Variants in MAN1C1 observed in about 807,000 individuals in gnomAD.
The protein encoded by MAN1C1 is mannosyl-oligosaccharide 1,2-alpha-mannosidase IC.
In MAN1C1, 49 loss-of-function variants were observed where a neutral mutation model predicts 71.5. That is an observed-to-expected ratio of 0.69 (90% CI 0.54 to 0.87). MAN1C1 has a LOEUF of 0.87. Among genes scored for constraint, MAN1C1 ranks in the 40% least tolerant of loss-of-function variants. The pLI is 0.00. For missense variants in MAN1C1, 743 were observed against 835.0 expected (o/e 0.89, Z 1.36); for synonymous variants, 352 against 343.7 (o/e 1.02, Z -0.27).
At chr1:25,692,667 A>G (rs1319547407) in intron 2 of MAN1C1, among the ~76,000 whole-genome samples, 1 of 152,238 alleles carries the variant, frequency 6.6e-6, no homozygotes, top group Non-Finnish European at 1.5e-5. Context: ...AACCCAAGCC[A>G]TAAACTACCA....
chr1:25,756,342 C>T (rs557028253), intron 5 of MAN1C1, among the ~76,000 whole-genome samples: 1 of 152,304 alleles, frequency 6.6e-6, no homozygotes, highest in Admixed American at 6.5e-5. Context: ...AGGCGCCCAG[C>T]CACCTGCCTG....
At chr1:25,699,212 A>G (rs1368068407) in intron 2 of MAN1C1, among the ~76,000 whole-genome samples, 1 of 151,944 alleles carries the variant, frequency 6.6e-6, no homozygotes, top group African/African-American at 2.4e-5. Flanking sequence ...AGGCAGGAGA[A>G]TCGCTTGAAC....
intron 1 of MAN1C1, among the ~76,000 whole-genome samples, chr1:25,641,851 T>A (rs2045542197): frequency 6.6e-6 from 1 of 152,234 alleles, no homozygotes; most frequent in African/African-American, 2.4e-5. Flanking sequence ...AGACACTGTT[T>A]ACATGATACG....
chr1:25,739,422 A>G (rs773707136), intron 2 of MAN1C1, among the ~76,000 whole-genome samples: 25 of 152,202 alleles, frequency 1.6e-4, no homozygotes, highest in Non-Finnish European at 2.9e-4. Flanking sequence ...AAATGCAGCC[A>G]TTAGTATGTG....
intron 2 of MAN1C1, among the ~76,000 whole-genome samples, chr1:25,695,937 GTCTT>G (rs754186460): frequency 6.6e-6 from 1 of 152,164 alleles, no homozygotes; most frequent in Non-Finnish European, 1.5e-5. Context: ...ATTTCTTTCT[GTCTT>G]TCTTTCTTTT....
At chr1:25,733,796 A>T (rs1203672305) in intron 2 of MAN1C1, among the ~76,000 whole-genome samples, 1 of 151,242 alleles carries the variant, frequency 6.6e-6, no homozygotes, top group African/African-American at 2.4e-5. Context: ...TTTATTTATT[A>T]TTTTTATTTT....
chr1:25,617,851 G>C lies in MAN1C1; in HGVS notation c.54G>C (p.Arg18=). Residue 18 remains arginine (R), a synonymous_variant, in exon 1 of 12, where the codon CGG becomes CGC. Coordinates refer to ENST00000374332, the MANE Select transcript of MAN1C1 (RefSeq NM_020379.4). This position sits in a 1 kb window ranked among gnomAD's most constrained non-coding sequence, Gnocchi z 5.1. ...GFVPASPWGL[R]LPQKFLFLLF... The stretch of plus-strand genomic sequence containing the variant: ...TCCCGGCCTCCCCGTGGGGGCTGCG[G>C]CTGCCGCAGAAGTTCCTCTTCCTCC... 6.2e-7 allele frequency: 1 copy of C among 1,606,594 alleles called. No homozygotes were observed. The highest frequency in any genetic ancestry group is 8.5e-7 in the Non-Finnish European group (1 of 1,177,504).
rs1012245748 is a variant in MAN1C1, at chr1:25,616,822, A to G, written c.-976A>G. ...AGCCCGAGCGGCGGCGGCGGCGGGGACGGCGGTGGAGGCGGCCGGGTGGCT... is the reference window on the plus strand; with the variant it reads ...AGCCCGAGCGGCGGCGGCGGCGGGGGCGGCGGTGGAGGCGGCCGGGTGGCT... On this transcript the variant is annotated 5_prime_UTR_variant, in exon 1 of 12. Coordinates refer to ENST00000374332, the MANE Select transcript of MAN1C1 (RefSeq NM_020379.4). The surrounding 1 kb of genome is among the most constrained non-coding windows in gnomAD (Gnocchi z 5.6). 1.4e-5 allele frequency among the ~76,000 whole-genome samples: 2 copies of G among 146,696 alleles called. No homozygotes were observed. Among genetic ancestry groups the G allele is most frequent in the Non-Finnish European group, 3.0e-5 (2 of 66,042 alleles).
chr1:25,639,110 C>G (rs905104963), intron 1 of MAN1C1, among the ~76,000 whole-genome samples: 1 of 151,986 alleles, frequency 6.6e-6, no homozygotes, highest in Non-Finnish European at 1.5e-5. Flanking sequence ...GTTCACTGAA[C>G]GCTTCTGTAA....
chr1:25,773,444 G>C (rs1256392327), intron 8 of MAN1C1, among the ~76,000 whole-genome samples: 2 of 152,196 alleles, frequency 1.3e-5, no homozygotes, highest in Non-Finnish European at 2.9e-5. Flanking sequence ...TCCCTGCTCA[G>C]CTCCCTGGCA....
At chr1:25,705,299 G>A (rs553303820) in intron 2 of MAN1C1, among the ~76,000 whole-genome samples, 1 of 152,286 alleles carries the variant, frequency 6.6e-6, no homozygotes, top group Non-Finnish European at 1.5e-5. Flanking sequence ...ATGTATTTCT[G>A]CATACACAGA....
rs972388934 is a variant in MAN1C1, at chr1:25,746,448, G to A, written c.638-220G>A. Among the ~76,000 whole-genome samples the A allele has an allele frequency of 7.2e-5, 11 of 152,228 alleles. No homozygotes were observed. Among genetic ancestry groups the A allele is most frequent in the Non-Finnish European group, 1.5e-4 (10 of 68,042 alleles). ...GCCTGGGCCCTCGGTCTCTCTGGCCGCTGTTTGCTGCCTTGAGGAGGAAGC... is the reference window on the plus strand; with the variant it reads ...GCCTGGGCCCTCGGTCTCTCTGGCCACTGTTTGCTGCCTTGAGGAGGAAGC... On this transcript the variant is annotated intron_variant, in intron 2 of 11. Transcript: ENST00000374332. This position sits in a 1 kb window ranked among gnomAD's most constrained non-coding sequence, Gnocchi z 4.0.
rs771080675 is a variant in MAN1C1 at position 25,753,493 on chromosome 1, A to G, written c.844A>G (p.Ile282Val). The G allele has an allele frequency of 9.3e-6, 15 of 1,613,558 alleles. No homozygotes were observed. In the East Asian group the frequency reaches 3.1e-4, roughly 34 times the overall value. The change falls in exon 5 of 12, where the codon ATA (isoleucine) becomes GTA (valine). Residue 282 changes from isoleucine to valine, a missense_variant. Coordinates refer to ENST00000374332, the MANE Select transcript of MAN1C1 (RefSeq NM_020379.4). This position sits in a 1 kb window ranked among gnomAD's most constrained non-coding sequence, Gnocchi z 4.9. ...ATCCCCTCCTTTACAGGTGTTCCGAATAAAGGCCATCAGGCTGGGAGAGAA... is the reference window on the plus strand; with the variant it reads ...ATCCCCTCCTTTACAGGTGTTCCGAGTAAAGGCCATCAGGCTGGGAGAGAA... ...FYLTGEEVFR[I>V]KAIRLGEKLL...
chr1:25,714,601 G>A (rs1175740707), intron 2 of MAN1C1, among the ~76,000 whole-genome samples: 8 of 152,048 alleles, frequency 5.3e-5, no homozygotes, highest in Non-Finnish European at 1.2e-4. Flanking sequence ...AAAAATGGGA[G>A]GAAATTATAC....
At chr1:25,724,705 C>T (rs888694649) in intron 2 of MAN1C1, among the ~76,000 whole-genome samples, 18 of 152,116 alleles carry the variant, frequency 1.2e-4, no homozygotes, top group Non-Finnish European at 1.6e-4. Context: ...GGCATGGCTC[C>T]GGAACAGAGC....
At chr1:25,679,978 T>TATACACACAC (rs1553185895) in intron 1 of MAN1C1, among the ~76,000 whole-genome samples, 1 of 127,216 alleles carries the variant, frequency 7.9e-6, no homozygotes, top group African/African-American at 3.2e-5. Flanking sequence ...TATATATATA[T>TATACACACAC]ACACACACAC....
Position 25,686,558 on chromosome 1 carries a change from T to C in MAN1C1, c.637+22T>C, listed in dbSNP as rs774575073. 1.1e-5 allele frequency: 17 copies of C among 1,606,640 alleles called. No homozygotes were observed. The African/African-American group carries it at 1.2e-4, about 11-fold the overall frequency. On this transcript the variant is annotated intron_variant, in intron 2 of 11. Coordinates refer to ENST00000374332, the MANE Select transcript of MAN1C1 (RefSeq NM_020379.4). The stretch of plus-strand genomic sequence containing the variant: ...TTCGGTGAGTCGATTCAAACCACTT[T>C]GATATTGGGAGGGACCCACCGCCCC...
intron 6 of MAN1C1, among the ~76,000 whole-genome samples, chr1:25,763,261 G>A (rs1408569254): frequency 1.3e-5 from 2 of 151,418 alleles, no homozygotes; most frequent in African/African-American, 4.9e-5. Context: ...GATTGAGACT[G>A]TCTCAAAAAA....
intron 2 of MAN1C1, among the ~76,000 whole-genome samples, chr1:25,726,261 C>T (rs2046829228): frequency 2.6e-5 from 4 of 152,160 alleles, no homozygotes; most frequent in Admixed American, 2.6e-4. Context: ...GGGAGGACCA[C>T]CACGACCACG....
Sources: allele counts gnomAD v4.1 joint callset (sites outside exome capture counted in the v4.1 genomes callset), GRCh38; gene constraint gnomAD v4.1.1; non-coding constraint Gnocchi (gnomAD v3.1); transcripts MANE v1.5; gene names NCBI Gene and HGNC (gene_info 2026-07-23, HGNC 2026-07-21).